The following PSD2 variants were observed in gnomAD, a reference collection of about 807,000 sequenced individuals.
PSD2 encodes PH and SEC7 domain-containing protein 2.
In PSD2, 38 loss-of-function variants were observed where a neutral mutation model predicts 69.8. The ratio of observed to expected loss-of-function variants is 0.54; its 90% CI spans 0.42 to 0.71. The LOEUF (loss-of-function observed/expected upper bound fraction) is 0.71. Among genes scored for constraint, PSD2 ranks in the 30% least tolerant of loss-of-function variants. The pLI is 0.00. For synonymous variants in PSD2, 412 were observed against 423.0 expected (o/e 0.97, Z 0.32); for missense variants, 943 against 1,014.5 (o/e 0.93, Z 0.96).
chr5:139,755,752 CTG>C, the PSD2 span, among the ~76,000 whole-genome samples: 1 of 151,384 alleles, frequency 6.6e-6, no homozygotes, highest in South Asian at 2.1e-4. Flanking sequence ...CTGTGTGTGA[CTG>C]TGTGTGAGAC....
the PSD2 span, among the ~76,000 whole-genome samples, chr5:139,759,413 G>T: frequency 6.6e-6 from 1 of 152,018 alleles, no homozygotes; most frequent in Non-Finnish European, 1.5e-5. Flanking sequence ...GCCCCCGATC[G>T]CGGTCACCCG....
chr5:139,837,715 T>C lies in PSD2; in HGVS notation c.1756T>C (p.Tyr586His), dbSNP rs755164979. The change falls in exon 12 of 15, where the codon TAC becomes CAC. Residue 586 changes from tyrosine to histidine, a missense_variant. Physicochemically the swap from Tyr to His is moderately conservative, Grantham distance 83. This residue lies in a region of PSD2 where 312 missense variants were observed against 400.7 expected (regional missense o/e 0.78). Transcript: ENST00000274710. This position sits in a 1 kb window ranked among gnomAD's most constrained non-coding sequence, Gnocchi z 5.0. The part of the protein sequence containing the change: ...HHALATRASD[Y>H]SKKSNVLKLK... Reference sequence around the variant, plus strand: ...CGCTCTGGCCACCAGGGCCTCTGACTACAGCAAGAAGTCCAACGTGCTGAA... The same window carrying C: ...CGCTCTGGCCACCAGGGCCTCTGACCACAGCAAGAAGTCCAACGTGCTGAA... 6.2e-7 allele frequency: 1 copy of C among 1,614,092 alleles called. No homozygotes were observed. Among genetic ancestry groups the C allele is most frequent in the Non-Finnish European group, 8.5e-7 (1 of 1,179,962 alleles).
At chr5:139,817,156 T>C (rs1308649282) in intron 4 of PSD2, among the ~76,000 whole-genome samples, 1 of 152,208 alleles carries the variant, frequency 6.6e-6, no homozygotes, top group Non-Finnish European at 1.5e-5. Flanking sequence ...GCTCTTTAGG[T>C]TCTGGCCACA....
chr5:139,837,682 G>C lies in PSD2; in HGVS notation c.1723G>C (p.Val575Leu). Residue 575 changes from valine to leucine, a missense_variant, in exon 12 of 15, where the codon GTG (valine) becomes CTG (leucine). Physicochemically the swap from Val to Leu is conservative, Grantham distance 32. This residue lies in a region of PSD2 where 312 missense variants were observed against 400.7 expected (regional missense o/e 0.78). Transcript: ENST00000274710. This position sits in a 1 kb window ranked among gnomAD's most constrained non-coding sequence, Gnocchi z 5.0. ...GGGTGACCTGAAGAACGCCATTCGC[G>C]TGCATCACGCTCTGGCCACCAGGGC... ...SEGDLKNAIR[V>L]HHALATRASD... 2.5e-6 allele frequency: 4 copies of C among 1,614,074 alleles called. No individual in the cohort carries two copies. The highest frequency in any genetic ancestry group is 3.4e-6 in the Non-Finnish European group (4 of 1,179,944).
the PSD2 span, among the ~76,000 whole-genome samples, chr5:139,787,533 C>G: frequency 6.6e-6 from 1 of 152,260 alleles, no homozygotes; most frequent in Non-Finnish European, 1.5e-5. Context: ...AGAACACTCT[C>G]AGCAGCAGTC....
the PSD2 span, among the ~76,000 whole-genome samples, chr5:139,757,280 T>A: frequency 6.6e-6 from 1 of 152,188 alleles, no homozygotes; most frequent in South Asian, 2.1e-4. Flanking sequence ...CTCACAGCCA[T>A]CTCCACTGCT....
intron 1 of PSD2, among the ~76,000 whole-genome samples, chr5:139,796,462 C>G (rs1017118982): frequency 1.3e-5 from 2 of 152,212 alleles, no homozygotes; most frequent in African/African-American, 4.8e-5. Flanking sequence ...TTTCTGTTTC[C>G]AGTTTCCCAA....
chr5:139,748,973 G>T, the PSD2 span, among the ~76,000 whole-genome samples: 28 of 152,148 alleles, frequency 1.8e-4, no homozygotes, highest in African/African-American at 6.5e-4. Flanking sequence ...CTTCTGTTGG[G>T]ATGGAGTGCA....
In PSD2 at chr5:139,837,029, G is replaced by A. The variant is rs2126967621; in HGVS notation, c.1594+28G>A. The A allele has an allele frequency of 6.2e-7, 1 of 1,605,422 alleles. No individual in the cohort carries two copies. Reference sequence around the variant, plus strand: ...GGGTGTCAGGCTGGGAGAGGGGCATGGGAGGGAGGCTGGCACAGAGGGGGG... The same window carrying A: ...GGGTGTCAGGCTGGGAGAGGGGCATAGGAGGGAGGCTGGCACAGAGGGGGG... On this transcript the variant is annotated intron_variant, in intron 10 of 14. Transcript: ENST00000274710. This position sits in a 1 kb window ranked among gnomAD's most constrained non-coding sequence, Gnocchi z 5.0.
At chr5:139,750,013 T>G in the PSD2 span, among the ~76,000 whole-genome samples, 2 of 143,210 alleles carry the variant, frequency 1.4e-5, no homozygotes, top group East Asian at 2.0e-4. Context: ...GGGCAACAGA[T>G]CGAGACCGTC....
intron 1 of PSD2, among the ~76,000 whole-genome samples, chr5:139,808,704 G>A (rs894529756): frequency 3.3e-5 from 5 of 152,330 alleles, no homozygotes; most frequent in Admixed American, 1.3e-4. Flanking sequence ...CGCTGTGTGT[G>A]GTGGAGGCAG....
the PSD2 span, among the ~76,000 whole-genome samples, chr5:139,790,373 G>C: frequency 6.6e-6 from 1 of 152,056 alleles, no homozygotes; most frequent in Non-Finnish European, 1.5e-5. Context: ...GAAAGGTCCA[G>C]GTTGGAGAAT....
rs773398298 is a variant in PSD2 at position 139,840,099 on chromosome 5, C to A, written c.2041C>A (p.Pro681Thr). Residue 681 changes from proline (P) to threonine (T), a missense_variant, in exon 14 of 15, where the codon CCA (proline) becomes ACA (threonine). Physicochemically the swap from Pro to Thr is conservative, Grantham distance 38. Coordinates refer to ENST00000274710, the MANE Select transcript of PSD2 (RefSeq NM_032289.4). ...TAELAEHRCH[P>T]VERGIKSKEA... is the part of the protein sequence containing the mutation. Reference sequence around the variant, plus strand: ...GGAGCTGGCCGAACACAGGTGTCACCCAGTCGAGAGGGGCATCAAGTCCAA... The same window carrying A: ...GGAGCTGGCCGAACACAGGTGTCACACAGTCGAGAGGGGCATCAAGTCCAA... 1.9e-6 allele frequency: 3 copies of A among 1,614,096 alleles called. No homozygotes were observed. In the South Asian group the frequency reaches 3.3e-5, roughly 18 times the overall value.
chr5:139,842,136 T>C, intron 14 of PSD2, 135 bp from the exon 15 acceptor site: 2 of 662,430 alleles, frequency 3.0e-6, no homozygotes, highest in East Asian at 5.5e-5. Context: ...ATTTTTTAAT[T>C]GGACTGTTCA....
chr5:139,817,532 C>T lies in PSD2; in HGVS notation c.1068C>T (p.Phe356=), dbSNP rs1192261705. 1.2e-6 allele frequency: 2 copies of T among 1,614,062 alleles called. No individual in the cohort carries two copies. Among genetic ancestry groups the T allele is most frequent in the African/African-American group, 2.7e-5 (2 of 74,916 alleles). Residue 356 remains phenylalanine, a synonymous_variant, in exon 5 of 15, where the codon TTC becomes TTT. Coordinates refer to ENST00000274710, the MANE Select transcript of PSD2 (RefSeq NM_032289.4). The part of the protein sequence containing the change: ...VAGEYLSFFD[F]SGLTLDGALR... ...GGGAGTACCTCAGTTTCTTCGACTT[C>T]TCGGGCTTGACTCTGGACGGAGCAC...
In PSD2 at chr5:139,837,371, G is replaced by C. The variant is rs1760755953; in HGVS notation, c.1665+133G>C. The C allele has an allele frequency of 1.1e-6, 1 of 947,450 alleles. No homozygotes were observed. Among genetic ancestry groups the C allele is most frequent in the Non-Finnish European group, 1.6e-6 (1 of 626,402 alleles). 58.7% of individuals were successfully genotyped at this position (947,450 alleles called of 1,614,324 possible). On this transcript the variant is annotated intron_variant, in intron 11 of 14. Transcript: ENST00000274710. This position sits in a 1 kb window ranked among gnomAD's most constrained non-coding sequence, Gnocchi z 5.0. ...ATGCTGGGTCCTTCCCCAGACTTGG[G>C]CCCTCTCAGGGCTTTGGAGGTTTTT...
the PSD2 span, among the ~76,000 whole-genome samples, chr5:139,755,304 T>C: frequency 6.6e-6 from 1 of 151,856 alleles, no homozygotes; most frequent in Non-Finnish European, 1.5e-5. Context: ...GGGTGTGAAA[T>C]GGGTGGCTGA....
intron 1 of PSD2, among the ~76,000 whole-genome samples, chr5:139,804,093 C>G (rs1343465483): frequency 6.6e-6 from 1 of 152,174 alleles, no homozygotes; most frequent in African/African-American, 2.4e-5. Flanking sequence ...TCCCTACATG[C>G]CACATGTTTG....
Position 139,817,393 on chromosome 5 carries a change from G to A in PSD2, c.1017-88G>A, listed in dbSNP as rs75029641. 4,118 of 1,213,062 alleles carry A rather than the reference G, an allele frequency of 3.4e-3. 120 individuals carry two copies. In the African/African-American group the frequency reaches 0.054, roughly 16 times the overall value. 75.1% of individuals were successfully genotyped at this position (1,213,062 alleles called of 1,614,324 possible). On this transcript the variant is annotated intron_variant, in intron 4 of 14. Coordinates refer to ENST00000274710, the MANE Select transcript of PSD2 (RefSeq NM_032289.4). ...GCAGGTCTAGGGGGTGGGTGGGTCC[G>A]GGTACCCTGGGCCCAAGTAATGCCT...
Sources: gnomAD v4.1 joint callset for allele counts (sites outside exome capture counted in the v4.1 genomes callset) on GRCh38, gnomAD v4.1.1 for gene constraint, gnomAD v4.1.1 regional missense constraint, Gnocchi (gnomAD v3.1) non-coding constraint, MANE v1.5 for transcripts, NCBI Gene and HGNC (gene_info 2026-07-23, HGNC 2026-07-21) for gene names.